Variants in ABCC2 observed in about 807,000 individuals in gnomAD.
ABCC2 encodes ATP binding cassette subfamily C member 2.
A neutral mutation model predicts 173.4 loss-of-function variants in ABCC2; 157 were observed. The ratio of observed to expected loss-of-function variants is 0.91; its 90% CI spans 0.80 to 1.03. The LOEUF is 1.03. Among genes scored for constraint, ABCC2 ranks in the 50% least tolerant of loss-of-function variants. The probability of loss-of-function intolerance (pLI) is 0.00; values close to 1 mark genes in which losing one functional copy is unlikely to be tolerated. For synonymous variants in ABCC2, 657 were observed against 693.5 expected (o/e 0.95, Z 0.83); for missense variants, 1,822 against 1,852.3 (o/e 0.98, Z 0.30).
intron 2 of ABCC2, among the ~76,000 whole-genome samples, chr10:99,786,787 G>T (rs142177138): frequency 6.6e-6 from 1 of 152,020 alleles, no homozygotes; most frequent in African/African-American, 2.4e-5. Flanking sequence ...GGTGGATCAC[G>T]AGGTCAGGAG....
Position 99,851,510 on chromosome 10 carries a change from T to A in ABCC2, c.4517T>A (p.Val1506Asp). The part of the protein sequence containing the change: ...HTIMDSDKVM[V>D]LDNGKIIECG... ...TTTCTTCCTTGTTTCAGGGTAATGG[T>A]CCTAGACAACGGGAAGATTATAGAG... Residue 1506 changes from valine (V) to aspartate (D), a missense_variant, in exon 32 of 32, where the codon GTC becomes GAC. Val to Asp is a radical substitution (Grantham distance 152). Transcript: ENST00000647814. 1 of 1,614,080 alleles carries A rather than the reference T, an allele frequency of 6.2e-7. No homozygotes were observed. The highest frequency in any genetic ancestry group is 8.5e-7 in the Non-Finnish European group (1 of 1,179,992).
rs188935024 is a variant in ABCC2, at chr10:99,816,864, G to A, written c.2095-444G>A. On this transcript the variant is annotated intron_variant, in intron 16 of 31. Coordinates refer to ENST00000647814, the MANE Select transcript of ABCC2 (RefSeq NM_000392.5). ...ATCTGAGGTGGAACAGTTTCATCCCGAAACCATCTCCCACCACCACCCCAT... is the reference window on the plus strand; with the variant it reads ...ATCTGAGGTGGAACAGTTTCATCCCAAAACCATCTCCCACCACCACCCCAT... 1.2e-3 allele frequency among the ~76,000 whole-genome samples: 181 copies of A among 152,206 alleles called. 3 individuals carry two copies. Among genetic ancestry groups the A allele is most frequent in the Non-Finnish European group, 2.3e-3 (159 of 68,014 alleles).
intron 6 of ABCC2, 28 bp downstream of exon 6, chr10:99,794,496 T>C (rs1342399754): frequency 3.2e-6 from 5 of 1,585,334 alleles, no homozygotes; most frequent in Non-Finnish European, 1.7e-6. Context: ...ATGGATTGGC[T>C]GTATCCTTAC....
At chr10:99,820,129 C>T (rs146790140) in intron 19 of ABCC2, among the ~76,000 whole-genome samples, 1,745 of 152,304 alleles carry the variant, frequency 0.011, 36 homozygotes, top group Middle Eastern at 0.041. Context: ...CGATGGCTCA[C>T]GCCTGTAATC....
rs777791701 is a variant in ABCC2, at chr10:99,810,152, C to A, written c.1834C>A (p.Arg612=). The change falls in exon 14 of 32, where the codon CGG becomes AGG. Residue 612 remains arginine, a synonymous_variant. Coordinates refer to ENST00000647814, the MANE Select transcript of ABCC2 (RefSeq NM_000392.5). ...SMLQASVSTE[R]LEKYLGGDDL... is the part of the protein sequence containing the mutation. The stretch of plus-strand genomic sequence containing the variant: ...TCTCTAGGCCAGTGTTTCCACAGAG[C>A]GGCTAGAGAAGTACTTGGGAGGGGA... 7 of 1,613,232 alleles carry A rather than the reference C, an allele frequency of 4.3e-6. No individual in the cohort carries two copies. Among genetic ancestry groups the A allele is most frequent in the Non-Finnish European group, 5.9e-6 (7 of 1,179,398 alleles).
chr10:99,829,309 G>A (rs1463982957), intron 19 of ABCC2, among the ~76,000 whole-genome samples: 1 of 152,168 alleles, frequency 6.6e-6, no homozygotes, highest in East Asian at 1.9e-4. Flanking sequence ...CAGCCAAGGA[G>A]AGGGGGGACA....
At position 99,830,383 on chromosome 10, in the gene ABCC2, C is replaced by T; in HGVS notation, c.2697C>T (p.Ala899=). Residue 899 remains alanine (A), a synonymous_variant, in exon 20 of 32, where the codon GCC becomes GCT. Coordinates refer to ENST00000647814, the MANE Select transcript of ABCC2 (RefSeq NM_000392.5). ...TGGAAGAGATCCCCGAAGATGCAGC[C>T]TCCATAACCATGAGAAGAGAGAACA... ...SSVEEIPEDA[A]SITMRRENSF... is the part of the protein sequence containing the mutation. 1 of 1,614,190 alleles carries T rather than the reference C, an allele frequency of 6.2e-7. No individual in the cohort carries two copies. The highest frequency in any genetic ancestry group is 8.5e-7 in the Non-Finnish European group (1 of 1,180,016).
intron 6 of ABCC2, among the ~76,000 whole-genome samples, chr10:99,795,801 A>AGAG (rs1554847628): frequency 0.23 from 23,982 of 102,198 alleles, 2,989 homozygotes; most frequent in South Asian, 0.25. Context: ...GAAAGAAAGA[A>AGAG]AGATTTCTAA....
chr10:99,799,439 T>A, intron 8 of ABCC2, 69 bp downstream of exon 8: 1 of 1,543,128 alleles, frequency 6.5e-7, no homozygotes, highest in Non-Finnish European at 8.9e-7. Flanking sequence ...CCACTGTGTA[T>A]GCAAGCAGGA....
Position 99,818,955 on chromosome 10 carries a change from A to G in ABCC2, c.2437A>G (p.Lys813Glu), listed in dbSNP as rs1394413069. ...VLGPNGLLKG[K>E]TRLLVTHSMH... ...GGGCCCCAATGGCCTGTTGAAAGGC[A>G]AGGTGAGAAATCATTGAACATGATG... Residue 813 changes from lysine (K) to glutamate (E), a missense_variant and splice_region_variant, in exon 18 of 32, where the codon AAG becomes GAG. Coordinates refer to ENST00000647814, the MANE Select transcript of ABCC2 (RefSeq NM_000392.5). The G allele has an allele frequency of 6.2e-7, 1 of 1,614,072 alleles. No homozygotes were observed. The highest frequency in any genetic ancestry group is 8.5e-7 in the Non-Finnish European group (1 of 1,180,044).
intron 25 of ABCC2, among the ~76,000 whole-genome samples, chr10:99,839,182 G>C (rs1369377080): frequency 1.9e-5 from 2 of 106,316 alleles, no homozygotes; most frequent in Non-Finnish European, 4.0e-5. Context: ...CTGGCCGGGC[G>C]GGGGGCCAAC....
intron 6 of ABCC2, among the ~76,000 whole-genome samples, chr10:99,795,738 G>GGAAAGAAAGAAA (rs1205497592): frequency 5.2e-4 from 15 of 28,778 alleles, no homozygotes; most frequent in African/African-American, 1.7e-3. Flanking sequence ...AAAGAAAGAA[G>GGAAAGAAAGAAA]GAAAGAAAGA....
chr10:99,819,220 G>C lies in ABCC2; in HGVS notation c.2571G>C (p.Lys857Asn). The C allele has an allele frequency of 6.2e-7, 1 of 1,614,146 alleles. No homozygotes were observed. The highest frequency in any genetic ancestry group is 8.5e-7 in the Non-Finnish European group (1 of 1,180,036). Reference protein sequence around the residue: ...ALLAKKGEFAKNLKTFLRHTG... With the variant: ...ALLAKKGEFANNLKTFLRHTG... Reference sequence around the variant, plus strand: ...TGGCCAAAAAAGGAGAGTTTGCTAAGAATCTGAAGACATTTCTAAGACATA... The same window carrying C: ...TGGCCAAAAAAGGAGAGTTTGCTAACAATCTGAAGACATTTCTAAGACATA... Residue 857 changes from lysine to asparagine, a missense_variant, in exon 19 of 32, where the codon AAG (lysine) becomes AAC (asparagine). By Grantham distance (94) the Lys-to-Asn change is moderately conservative. Coordinates refer to ENST00000647814, the MANE Select transcript of ABCC2 (RefSeq NM_000392.5).
chr10:99,843,647 C>T (rs979724692), intron 26 of ABCC2, 152 bp from the exon 27 acceptor site: 2 of 782,402 alleles, frequency 2.6e-6, no homozygotes, highest in Non-Finnish European at 4.7e-6. Context: ...CCCAAGGAGG[C>T]AAGGATTGTC....
intron 16 of ABCC2, among the ~76,000 whole-genome samples, chr10:99,813,571 C>A (rs552411677): frequency 6.6e-6 from 1 of 152,082 alleles, no homozygotes; most frequent in East Asian, 1.9e-4. Flanking sequence ...CAAAATTAGC[C>A]GGGTGTGGTG....
At chr10:99,796,472 C>G (rs1246827922) in intron 6 of ABCC2, among the ~76,000 whole-genome samples, 1 of 152,026 alleles carries the variant, frequency 6.6e-6, no homozygotes, top group Non-Finnish European at 1.5e-5. Flanking sequence ...CCACTGCACT[C>G]CAGCCTATCG....
rs773748975 is a variant in ABCC2 at position 99,850,773 on chromosome 10, G to T, written c.4485G>T (p.Leu1495=). The T allele has an allele frequency of 3.7e-6, 6 of 1,614,226 alleles. No individual in the cohort carries two copies. The highest frequency in any genetic ancestry group is 1.3e-5 in the African/African-American group (1 of 75,054). Residue 1495 remains leucine, a synonymous_variant, in exon 31 of 32, where the codon CTG becomes CTT. Coordinates refer to ENST00000647814, the MANE Select transcript of ABCC2 (RefSeq NM_000392.5). ...CAGTGATCACCATCGCCCACAGGCTGCACACCATCATGGACAGTGACAAGT... is the reference window on the plus strand; with the variant it reads ...CAGTGATCACCATCGCCCACAGGCTTCACACCATCATGGACAGTGACAAGT... The part of the protein sequence containing the change: ...HCTVITIAHR[L]HTIMDSDKVM...
At chr10:99,801,614 T>C (rs1319422246) in intron 9 of ABCC2, among the ~76,000 whole-genome samples, 3 of 152,214 alleles carry the variant, frequency 2.0e-5, no homozygotes, top group Non-Finnish European at 4.4e-5. Flanking sequence ...TGAAGTCCCA[T>C]TTTGTTCCTT....
rs561130407 is a variant in ABCC2 at position 99,800,177 on chromosome 10, C to A, written c.1032-209C>A. Among the ~76,000 whole-genome samples the A allele has an allele frequency of 3.9e-5, 6 of 152,266 alleles. No homozygotes were observed. The East Asian group carries it at 9.6e-4, about 24-fold the overall frequency. ...TCCTGCCACTGCACTCCAGCCTGGG[C>A]AACAGAGTGAGACCCTGTATCAAAA... On this transcript the variant is annotated intron_variant, in intron 8 of 31. Transcript: ENST00000647814.
Sources: gnomAD v4.1 joint callset for allele counts (sites outside exome capture counted in the v4.1 genomes callset) on GRCh38, gnomAD v4.1.1 for gene constraint, MANE v1.5 for transcripts, NCBI Gene and HGNC (gene_info 2026-07-23, HGNC 2026-07-21) for gene names.